TAPT1: variants seen among roughly 807,000 people sequenced by gnomAD.
TAPT1 encodes the protein transmembrane anterior posterior transformation protein 1 homolog.
A neutral mutation model predicts 65.6 loss-of-function variants in TAPT1; 28 were observed. The observed-to-expected ratio is 0.43, with a 90% confidence interval of 0.32 to 0.59. The LOEUF is 0.59. Among genes scored for constraint, TAPT1 ranks in the 20% least tolerant of loss-of-function variants. TAPT1 has a pLI of 0.09. For missense variants in TAPT1, 563 were observed against 679.9 expected, an observed-to-expected ratio of 0.83 and a Z score of 1.91; for synonymous variants, 278 against 245.2, an observed-to-expected ratio of 1.13 and a Z score of -1.25.
At chr4:16,206,321 C>T (rs1276200959) in intron 2 of TAPT1, among the ~76,000 whole-genome samples, 1 of 152,240 alleles carries the variant, frequency 6.6e-6, no homozygotes, top group Non-Finnish European at 1.5e-5. Flanking sequence ...GCTTCTCTTA[C>T]TTCCAATCCA....
chr4:16,188,909 C>G (rs1749185521), intron 4 of TAPT1, among the ~76,000 whole-genome samples: 1 of 149,364 alleles, frequency 6.7e-6, no homozygotes. Flanking sequence ...GACAGCGCGA[C>G]TCTGACTCAA....
chr4:16,203,769 T>C (rs1443097303), intron 2 of TAPT1, among the ~76,000 whole-genome samples: 1 of 152,248 alleles, frequency 6.6e-6, no homozygotes, highest in Non-Finnish European at 1.5e-5. Flanking sequence ...ACCCAGTCTA[T>C]GGTACTTTGT....
intron 7 of TAPT1, among the ~76,000 whole-genome samples, chr4:16,181,866 C>A (rs923159505): frequency 7.2e-5 from 11 of 152,006 alleles, no homozygotes; most frequent in Non-Finnish European, 1.5e-4. Flanking sequence ...CTGTGCCTGG[C>A]CCAAAACAAA....
At chr4:16,196,669 C>T (rs1749723994) in intron 3 of TAPT1, 1 of 1,288,162 alleles carries the variant, frequency 7.8e-7, no homozygotes, top group South Asian at 1.2e-5. Flanking sequence ...ACAAGGAGTC[C>T]CTGTGCCACC....
At chr4:16,186,716 A>G (rs2149687421) in intron 6 of TAPT1, 65 bp downstream of exon 6, 2 of 1,415,744 alleles carry the variant, frequency 1.4e-6, no homozygotes, top group South Asian at 1.2e-5. Flanking sequence ...ATTTTATCCC[A>G]CCCAGAGTAT....
At chr4:16,163,920 A>G (rs925222876) in intron 13 of TAPT1, among the ~76,000 whole-genome samples, 2 of 152,172 alleles carry the variant, frequency 1.3e-5, no homozygotes, top group African/African-American at 4.8e-5. Flanking sequence ...GGCCAAGAAG[A>G]CTTTACTACA....
rs1185665763 is a variant in TAPT1 at position 16,161,307 on chromosome 4, C to T, written c.*2001G>A. ...TCAGTGACCTTTTTAAAAAAGATTACAAAACTGAATTTATTGAGATTCACA... is the reference window on the plus strand; with the variant it reads ...TCAGTGACCTTTTTAAAAAAGATTATAAAACTGAATTTATTGAGATTCACA... On this transcript the variant is annotated 3_prime_UTR_variant, in exon 14 of 14. Coordinates refer to ENST00000405303, the MANE Select transcript of TAPT1 (RefSeq NM_153365.3). 3 of 152,628 alleles carry T rather than the reference C, an allele frequency of 2.0e-5. No homozygotes were observed. The highest frequency in any genetic ancestry group is 6.5e-5 in the Admixed American group (1 of 15,294). 9.5% of individuals were successfully genotyped at this position (152,628 alleles called of 1,614,324 possible).
intron 3 of TAPT1, among the ~76,000 whole-genome samples, chr4:16,197,229 A>C (rs986569619): frequency 6.6e-6 from 1 of 152,234 alleles, no homozygotes; most frequent in Non-Finnish European, 1.5e-5. Flanking sequence ...CTCATGTGAG[A>C]GTTATGCCTA....
chr4:16,206,129 T>C (rs1389813735), intron 2 of TAPT1, among the ~76,000 whole-genome samples: 1 of 152,178 alleles, frequency 6.6e-6, no homozygotes, highest in South Asian at 2.1e-4. Flanking sequence ...ATTTTAATCA[T>C]CCGAATTAAA....
At chr4:16,173,262 A>G (rs936205933) in intron 11 of TAPT1, among the ~76,000 whole-genome samples, 1 of 152,152 alleles carries the variant, frequency 6.6e-6, no homozygotes, top group African/African-American at 2.4e-5. Context: ...AGCCAGGCTA[A>G]ACAAATCGTC....
chr4:16,167,368 T>G (rs1457600835), intron 12 of TAPT1, among the ~76,000 whole-genome samples: 3 of 152,302 alleles, frequency 2.0e-5, no homozygotes, highest in Non-Finnish European at 2.9e-5. Context: ...TATTCTTTTA[T>G]TACACAACAA....
chr4:16,185,656 A>G (rs1748971301), intron 7 of TAPT1, among the ~76,000 whole-genome samples: 1 of 152,214 alleles, frequency 6.6e-6, no homozygotes, highest in Non-Finnish European at 1.5e-5. Context: ...GGCGTTAGCC[A>G]CTGCGCCTGG....
At chr4:16,196,683 T>C in intron 3 of TAPT1, 1 of 1,289,004 alleles carries the variant, frequency 7.8e-7, no homozygotes, top group Non-Finnish European at 1.0e-6. Flanking sequence ...TGCCACCACA[T>C]TCCATTCTAT....
chr4:16,211,015 C>T (rs942677059), intron 2 of TAPT1, among the ~76,000 whole-genome samples: 3 of 149,040 alleles, frequency 2.0e-5, no homozygotes, highest in African/African-American at 7.4e-5. Context: ...GGTATTTATC[C>T]AATGACAATA....
At chr4:16,174,757 A>G (rs753960655) in intron 9 of TAPT1, 28 bp from the exon 10 acceptor site, 7 of 1,445,342 alleles carry the variant, frequency 4.8e-6, no homozygotes, top group South Asian at 1.3e-5. Flanking sequence ...TGAAATATCA[A>G]GTAATACAGT....
At chr4:16,182,457 A>G (rs1748767237) in intron 7 of TAPT1, among the ~76,000 whole-genome samples, 1 of 152,212 alleles carries the variant, frequency 6.6e-6, no homozygotes, top group South Asian at 2.1e-4. Context: ...CTTTTAAAAT[A>G]TTTCTGACAT....
At chr4:16,193,440 C>T (rs1338127187) in intron 3 of TAPT1, among the ~76,000 whole-genome samples, 1 of 152,096 alleles carries the variant, frequency 6.6e-6, no homozygotes, top group Non-Finnish European at 1.5e-5. Context: ...CCTCTTTCTC[C>T]CACAGAGAGA....
intron 3 of TAPT1, among the ~76,000 whole-genome samples, chr4:16,200,226 G>A (rs1051793141): frequency 2.6e-5 from 4 of 152,124 alleles, no homozygotes; most frequent in African/African-American, 9.7e-5. Flanking sequence ...ACATAAAGAT[G>A]GCTAGAACAT....
At chr4:16,227,111 C>A (rs1158061423), upstream of TAPT1, 8 of 455,420 alleles carry the variant, frequency 1.8e-5, no homozygotes, top group East Asian at 5.6e-4. Flanking sequence ...ATTCCCTGGC[C>A]TCTGAGTGTC....
Sources: allele counts gnomAD v4.1 joint callset (sites outside exome capture counted in the v4.1 genomes callset), GRCh38; gene constraint gnomAD v4.1.1; transcripts MANE v1.5; gene names NCBI Gene and HGNC (gene_info 2026-07-23, HGNC 2026-07-21).